DYNC2H1: variants seen among roughly 807,000 people sequenced by gnomAD.
DYNC2H1 encodes cytoplasmic dynein 2 heavy chain 1.
DYNC2H1 carries 410 observed loss-of-function variants against 570.0 expected under a neutral mutation model. The observed-to-expected ratio is 0.72, with a 90% confidence interval of 0.66 to 0.78. DYNC2H1 has a LOEUF of 0.78. Among genes scored for constraint, DYNC2H1 ranks in the 30% least tolerant of loss-of-function variants. DYNC2H1 has a pLI of 0.00. For missense variants in DYNC2H1, 4,865 were observed against 5,046.4 expected (o/e 0.96, Z 1.09); for synonymous variants, 1,688 against 1,677.6 (o/e 1.01, Z -0.15).
At chr11:103,438,840 C>G (rs181905613) in intron 85 of DYNC2H1, among the ~76,000 whole-genome samples, 2 of 152,098 alleles carry the variant, frequency 1.3e-5, no homozygotes, top group African/African-American at 4.8e-5. Context: ...ATCATTTTAT[C>G]AATAAAAGTT....
Position 103,171,087 on chromosome 11 carries a change from A to T in DYNC2H1, c.5334+19A>T. 1 of 1,531,628 alleles carries T rather than the reference A, an allele frequency of 6.5e-7. No homozygotes were observed. The highest frequency in any genetic ancestry group is 8.8e-7 in the Non-Finnish European group (1 of 1,130,406). 94.9% of individuals were successfully genotyped at this position (1,531,628 alleles called of 1,614,324 possible). Reference sequence around the variant, plus strand: ...CAAGGAGGTATAGAATATGTTGGGAATTTAAAGAATTAAAATATTTTGTAA... The same window carrying T: ...CAAGGAGGTATAGAATATGTTGGGATTTTAAAGAATTAAAATATTTTGTAA... On this transcript the variant is annotated intron_variant, in intron 34 of 88. Transcript: ENST00000375735.
At chr11:103,282,348 A>G (rs1866175677) in intron 72 of DYNC2H1, 119 bp downstream of exon 72, 1 of 840,856 alleles carries the variant, frequency 1.2e-6, no homozygotes. Context: ...TAATTTGATT[A>G]GAAGAATATA....
In DYNC2H1 at chr11:103,177,842, T is replaced by G; in HGVS notation, c.6139+22T>G. The G allele has an allele frequency of 6.4e-7, 1 of 1,574,246 alleles. No homozygotes were observed. ...CAAGGTTAGTCTCTATGTATACTTCTTTGCTTTACTTAGTAATTCTTAGAT... is the reference window on the plus strand; with the variant it reads ...CAAGGTTAGTCTCTATGTATACTTCGTTGCTTTACTTAGTAATTCTTAGAT... On this transcript the variant is annotated intron_variant, in intron 38 of 88. Coordinates refer to ENST00000375735, the MANE Select transcript of DYNC2H1 (RefSeq NM_001377.3). The surrounding 1 kb of genome is among the most constrained non-coding windows in gnomAD (Gnocchi z 4.4).
intron 83 of DYNC2H1, among the ~76,000 whole-genome samples, chr11:103,374,049 T>A (rs1941288841): frequency 6.6e-6 from 1 of 152,220 alleles, no homozygotes; most frequent in South Asian, 2.1e-4. Context: ...TCTTTTTCCA[T>A]CTCTTTTCAG....
rs917589715 is a variant in DYNC2H1 at position 103,319,125 on chromosome 11, A to G, written c.11726-1904A>G. On this transcript the variant is annotated intron_variant, in intron 80 of 88. Coordinates refer to ENST00000375735, the MANE Select transcript of DYNC2H1 (RefSeq NM_001377.3). The surrounding 1 kb of genome is among the most constrained non-coding windows in gnomAD (Gnocchi z 4.3). ...TTCACAAAAGAGAAAAGCAAAACAGAATTTGAATGATGTATCATTGTGTTT... is the reference window on the plus strand; with the variant it reads ...TTCACAAAAGAGAAAAGCAAAACAGGATTTGAATGATGTATCATTGTGTTT... 2.0e-5 allele frequency among the ~76,000 whole-genome samples: 3 copies of G among 152,180 alleles called. No individual in the cohort carries two copies. Among genetic ancestry groups the G allele is most frequent in the African/African-American group, 4.8e-5 (2 of 41,462 alleles).
chr11:103,245,447 G>A lies in DYNC2H1; in HGVS notation c.10042+73G>A. Reference sequence around the variant, plus strand: ...AAGTAAGTAATTAAACCAGGTGCAAGCTTTCAAGAGTCCTCTTCCAGTGGA... The same window carrying A: ...AAGTAAGTAATTAAACCAGGTGCAAACTTTCAAGAGTCCTCTTCCAGTGGA... On this transcript the variant is annotated intron_variant, in intron 65 of 88. Transcript: ENST00000375735. The surrounding 1 kb of genome is among the most constrained non-coding windows in gnomAD (Gnocchi z 4.5). 4.9e-6 allele frequency: 7 copies of A among 1,436,950 alleles called. No individual in the cohort carries two copies. The highest frequency in any genetic ancestry group is 4.7e-6 in the Non-Finnish European group (5 of 1,072,760). The allele number at this position is 1,436,950 out of a possible 1,614,324, so 89.0% of individuals were successfully genotyped here.
intron 59 of DYNC2H1, among the ~76,000 whole-genome samples, chr11:103,227,889 G>A (rs1863859909): frequency 6.6e-6 from 1 of 152,114 alleles, no homozygotes; most frequent in South Asian, 2.1e-4. Context: ...ATATGTTTAG[G>A]ATTGTGATAT....
At position 103,239,674 on chromosome 11, in the gene DYNC2H1, T is replaced by C. The variant is rs963926200; in HGVS notation, c.9819+3135T>C. ...GTGTGTGTGTGTGTGTGTGTGTGTG[T>C]GTGTAACCTTATTTATTTTATATTC... On this transcript the variant is annotated intron_variant, in intron 63 of 88. Coordinates refer to ENST00000375735, the MANE Select transcript of DYNC2H1 (RefSeq NM_001377.3). This position sits in a 1 kb window ranked among gnomAD's most constrained non-coding sequence, Gnocchi z 4.3. 2.0e-5 allele frequency among the ~76,000 whole-genome samples: 3 copies of C among 151,246 alleles called. No homozygotes were observed. Among genetic ancestry groups the C allele is most frequent in the African/African-American group, 4.9e-5 (2 of 40,782 alleles).
At chr11:103,464,893 TTA>T (rs1230503691) in intron 87 of DYNC2H1, among the ~76,000 whole-genome samples, 3 of 152,176 alleles carry the variant, frequency 2.0e-5, no homozygotes, top group Non-Finnish European at 2.9e-5. Context: ...CAAAATAATT[TTA>T]GTGTGTAATT....
chr11:103,312,088 A>T lies in DYNC2H1; in HGVS notation c.11649+55A>T, dbSNP rs1481796179. On this transcript the variant is annotated intron_variant, in intron 79 of 88. Coordinates refer to ENST00000375735, the MANE Select transcript of DYNC2H1 (RefSeq NM_001377.3). ...TAAGCTTTATATTTTTGTATGTTAA[A>T]ATATTTTTGTGGCCAGGCATGGTGG... The T allele has an allele frequency of 3.9e-6, 6 of 1,552,164 alleles. No individual in the cohort carries two copies. In the East Asian group the frequency reaches 1.2e-4, roughly 30 times the overall value.
At chr11:103,263,868 C>T (rs1282572726) in intron 70 of DYNC2H1, among the ~76,000 whole-genome samples, 3 of 151,932 alleles carry the variant, frequency 2.0e-5, no homozygotes, top group Non-Finnish European at 4.4e-5. Flanking sequence ...CAGAGCAGAA[C>T]TGAAGGAGAT....
In DYNC2H1 at chr11:103,454,320, CTG is replaced by C. The variant is rs376064409; in HGVS notation, c.12457-863_12457-862del. Reference sequence around the variant, plus strand: ...CGCTGACATTACTATAGTACCATCTCTGTGCACCAGCTGAACTAATAGCTTAC... The same window carrying C: ...CGCTGACATTACTATAGTACCATCTCTGCACCAGCTGAACTAATAGCTTAC... On this transcript the variant is annotated intron_variant, in intron 85 of 88. Transcript: ENST00000375735. Among the ~76,000 whole-genome samples, 339 of 152,272 alleles carry C rather than the reference CTG, an allele frequency of 2.2e-3. 3 individuals carry two copies. The highest frequency in any genetic ancestry group is 7.8e-3 in the African/African-American group (326 of 41,576).
intron 76 of DYNC2H1, 60 bp downstream of exon 76, chr11:103,303,313 T>C: frequency 1.9e-6 from 3 of 1,544,830 alleles, no homozygotes; most frequent in Non-Finnish European, 2.6e-6. Context: ...CACTTGATGA[T>C]ATTGGTCAAA....
At chr11:103,402,686 T>A (rs1942693526) in intron 84 of DYNC2H1, 1 of 152,124 alleles carries the variant, frequency 6.6e-6, no homozygotes, top group African/African-American at 2.4e-5. Context: ...ATTAAAATAA[T>A]GAAAGCAATT....
intron 18 of DYNC2H1, among the ~76,000 whole-genome samples, chr11:103,146,509 G>T (rs925823700): frequency 6.6e-6 from 1 of 152,190 alleles, no homozygotes; most frequent in Non-Finnish European, 1.5e-5. Context: ...TAAATGTAGT[G>T]AAGTACAGAG....
rs561031035 is a variant in DYNC2H1 at position 103,214,045 on chromosome 11, T to C, written c.8695-1676T>C. 6.6e-5 allele frequency among the ~76,000 whole-genome samples: 10 copies of C among 152,310 alleles called. No homozygotes were observed. In the South Asian group the frequency reaches 2.1e-3, roughly 32 times the overall value. ...GGAGGTCTAGTTTCATTCTTTTGCATGTGGATATCCAATTTTCCCACCACC... is the reference window on the plus strand; with the variant it reads ...GGAGGTCTAGTTTCATTCTTTTGCACGTGGATATCCAATTTTCCCACCACC... On this transcript the variant is annotated intron_variant, in intron 54 of 88. Coordinates refer to ENST00000375735, the MANE Select transcript of DYNC2H1 (RefSeq NM_001377.3).
chr11:103,372,778 C>T (rs761550805), intron 83 of DYNC2H1, among the ~76,000 whole-genome samples: 2 of 152,040 alleles, frequency 1.3e-5, no homozygotes. Context: ...AGAATTGTTT[C>T]TTCCTCTTTA....
intron 38 of DYNC2H1, 61 bp from the exon 39 acceptor site, chr11:103,178,965 T>G: frequency 6.9e-7 from 1 of 1,458,838 alleles, no homozygotes; most frequent in South Asian, 1.3e-5. Flanking sequence ...TAGTCCTTAT[T>G]TTTAATTATT....
chr11:103,140,851 G>A (rs1039382134), intron 17 of DYNC2H1, among the ~76,000 whole-genome samples: 26 of 152,244 alleles, frequency 1.7e-4, no homozygotes, highest in Admixed American at 1.2e-3. Flanking sequence ...CCCATCAGAC[G>A]TAGATTTGGT....
Sources: gnomAD v4.1 joint callset for allele counts (sites outside exome capture counted in the v4.1 genomes callset) on GRCh38, gnomAD v4.1.1 for gene constraint, Gnocchi (gnomAD v3.1) non-coding constraint, MANE v1.5 for transcripts, NCBI Gene and HGNC (gene_info 2026-07-23, HGNC 2026-07-21) for gene names.